The following HIPK2 variants were observed in gnomAD, a reference collection of about 807,000 sequenced individuals.
HIPK2 encodes the protein homeodomain-interacting protein kinase 2.
Under a neutral mutation model 113.7 loss-of-function variants are expected in HIPK2, and 27 were observed. The ratio of observed to expected loss-of-function variants is 0.24; its 90% CI spans 0.17 to 0.33. The LOEUF is 0.33. Among genes scored for constraint, HIPK2 ranks in the 10% least tolerant of loss-of-function variants. HIPK2 has a pLI of 1.00. For synonymous variants in HIPK2, 631 were observed against 642.2 expected (o/e 0.98, Z 0.26); for missense variants, 1,257 against 1,588.0 (o/e 0.79, Z 3.54).
Position 139,568,202 on chromosome 7 carries a change from T to G in HIPK2, c.*4725A>C, listed in dbSNP as rs1432738482. On this transcript the variant is annotated 3_prime_UTR_variant, in exon 15 of 15. Coordinates refer to ENST00000406875, the MANE Select transcript of HIPK2 (RefSeq NM_022740.5). ...TGGTGTCTGGGCGGGCTGAGTCTTCTAGGTTGAAGAGGACAAAGGTCAGCT... is the reference window on the plus strand; with the variant it reads ...TGGTGTCTGGGCGGGCTGAGTCTTCGAGGTTGAAGAGGACAAAGGTCAGCT... 1 of 152,230 alleles carries G rather than the reference T, an allele frequency of 6.6e-6. No homozygotes were observed. Among genetic ancestry groups the G allele is most frequent in the Non-Finnish European group, 1.5e-5 (1 of 68,096 alleles). 9.4% of individuals were successfully genotyped at this position (152,230 alleles called of 1,614,324 possible). A position where few individuals can be genotyped will look rare whatever the true frequency, so the allele number is the denominator to read the frequency against.
chr7:139,632,862 G>C (rs1800665790), intron 2 of HIPK2, among the ~76,000 whole-genome samples: 1 of 152,068 alleles, frequency 6.6e-6, no homozygotes, highest in African/African-American at 2.4e-5. Context: ...TGGACTGCTT[G>C]AACCCAGGAG....
intron 2 of HIPK2, among the ~76,000 whole-genome samples, chr7:139,696,546 A>G (rs1050733445): frequency 2.0e-5 from 3 of 151,356 alleles, no homozygotes; most frequent in Non-Finnish European, 4.4e-5. Flanking sequence ...GTGCACCACT[A>G]TACTTTAGCC....
intron 2 of HIPK2, among the ~76,000 whole-genome samples, chr7:139,705,416 G>A (rs1308761025): frequency 2.6e-5 from 4 of 151,118 alleles, no homozygotes; most frequent in Admixed American, 6.6e-5. Context: ...TCGCTATGTC[G>A]CCCAGGCTGG....
rs906592701 is a variant in HIPK2, at chr7:139,573,220, G to A, written c.3304C>T (p.Leu1102Phe). ...GCCGCCGGCGCAGTGTAGGTGTAGA[G>A]GTGGGGCTGGGTGGGGAGGTGGGCA... ...AAAHLPTQPH[L>F]YTYTAPAALG... The change falls in exon 15 of 15, where the codon CTC becomes TTC. Residue 1102 changes from leucine (L) to phenylalanine (F), a missense_variant. By Grantham distance (22) the Leu-to-Phe change is conservative. Transcript: ENST00000406875. 5 of 1,605,308 alleles carry A rather than the reference G, an allele frequency of 3.1e-6. No individual in the cohort carries two copies. In the African/African-American group the frequency reaches 5.3e-5, roughly 17 times the overall value.
rs548507956 is a variant in HIPK2 at position 139,604,241 on chromosome 7, T to C, written c.2113-18A>G. 3.1e-6 allele frequency: 5 copies of C among 1,594,714 alleles called. No individual in the cohort carries two copies. The highest frequency in any genetic ancestry group is 2.3e-5 in the South Asian group (2 of 88,056). On this transcript the variant is annotated intron_variant, in intron 9 of 14. Coordinates refer to ENST00000406875, the MANE Select transcript of HIPK2 (RefSeq NM_022740.5). ...CAAGCCTGCTGTAGAACACAGGACA[T>C]GTGCAATGACCATGTTTGCTAATCA...
chr7:139,662,565 C>T (rs1199730517), intron 2 of HIPK2, among the ~76,000 whole-genome samples: 1 of 151,904 alleles, frequency 6.6e-6, no homozygotes, highest in Non-Finnish European at 1.5e-5. Flanking sequence ...CAAGCCTGTC[C>T]CTAGCTGTCT....
At chr7:139,590,725 C>T (rs1045505612) in intron 12 of HIPK2, among the ~76,000 whole-genome samples, 5 of 152,134 alleles carry the variant, frequency 3.3e-5, no homozygotes, top group Admixed American at 6.5e-5. Flanking sequence ...CAGTGGCTCA[C>T]GCTGGTAATT....
rs141780688 is a variant in HIPK2 at position 139,707,394 on chromosome 7, T to C, written c.1103+8538A>G. Among the ~76,000 whole-genome samples, 203 of 152,324 alleles carry C rather than the reference T, an allele frequency of 1.3e-3. 1 individual carries two copies. The highest frequency in any genetic ancestry group is 4.3e-3 in the African/African-American group (178 of 41,584). ...CCTCCGTAAGACCCCGCAGGGGAGA[T>C]TGGTGAGCGAGAGAAGGGTGGCCCT... On this transcript the variant is annotated intron_variant, in intron 2 of 14. Transcript: ENST00000406875.
chr7:139,563,556 AG>A lies in HIPK2; in HGVS notation c.*9370del. ...CATACTTACTTTTCAAATGAACAAA[AG>A]GCAATTTCTATGTTTTAAAAATATA... On this transcript the variant is annotated 3_prime_UTR_variant, in exon 15 of 15. Coordinates refer to ENST00000406875, the MANE Select transcript of HIPK2 (RefSeq NM_022740.5). The A allele has an allele frequency of 3.0e-6, 1 of 332,458 alleles. No homozygotes were observed. Among genetic ancestry groups the A allele is most frequent in the Non-Finnish European group, 5.4e-6 (1 of 185,648 alleles). The allele number at this position is 332,458 out of a possible 1,614,324, so 20.6% of individuals were successfully genotyped here.
intron 2 of HIPK2, among the ~76,000 whole-genome samples, chr7:139,696,172 CAACTACGT>C (rs1225854253): frequency 7.2e-5 from 11 of 152,222 alleles, no homozygotes; most frequent in African/African-American, 2.2e-4. Context: ...GTGGGGGATG[CAACTACGT>C]AAATACACAG....
intron 2 of HIPK2, among the ~76,000 whole-genome samples, chr7:139,666,375 C>T (rs1368674548): frequency 1.3e-5 from 2 of 152,200 alleles, no homozygotes; most frequent in African/African-American, 4.8e-5. Flanking sequence ...CACGAAAGCA[C>T]AGAAGACCCA....
chr7:139,728,712 T>C (rs1585429037), intron 1 of HIPK2, among the ~76,000 whole-genome samples: 1 of 152,312 alleles, frequency 6.6e-6, no homozygotes, highest in South Asian at 2.1e-4. Context: ...CCCATAACAA[T>C]AGTTTTAAGG....
chr7:139,615,935 T>C (rs1356447487), intron 7 of HIPK2, among the ~76,000 whole-genome samples: 1 of 147,106 alleles, frequency 6.8e-6, no homozygotes, highest in Non-Finnish European at 1.5e-5. Flanking sequence ...TGTGTACATA[T>C]GTGGGCATCA....
chr7:139,745,218 C>T (rs1796170207), intron 1 of HIPK2, among the ~76,000 whole-genome samples: 1 of 152,222 alleles, frequency 6.6e-6, no homozygotes, highest in Non-Finnish European at 1.5e-5. Context: ...CCAGTTATAG[C>T]TCACATTATT....
chr7:139,688,912 C>G (rs746892864), intron 2 of HIPK2, among the ~76,000 whole-genome samples: 2 of 152,160 alleles, frequency 1.3e-5, no homozygotes, highest in Non-Finnish European at 2.9e-5. Flanking sequence ...CTTCTGGGTA[C>G]ATTCAGGGGC....
At chr7:139,693,634 T>C (rs1423499120) in intron 2 of HIPK2, among the ~76,000 whole-genome samples, 3 of 152,028 alleles carry the variant, frequency 2.0e-5, no homozygotes, top group African/African-American at 7.3e-5. Flanking sequence ...CTTATTAAAA[T>C]GCCAGTGCCA....
At chr7:139,633,515 A>T (rs28449564) in intron 2 of HIPK2, among the ~76,000 whole-genome samples, 24,334 of 152,126 alleles carry the variant, frequency 0.16, 2,479 homozygotes, top group African/African-American at 0.29. Flanking sequence ...ATTTTTCACA[A>T]GTAAAATGGA....
At chr7:139,640,416 T>C (rs2116369310) in intron 2 of HIPK2, among the ~76,000 whole-genome samples, 1 of 152,202 alleles carries the variant, frequency 6.6e-6, no homozygotes, top group East Asian at 1.9e-4. Flanking sequence ...CAAGAGGGCG[T>C]GGCCCGCACT....
chr7:139,585,421 G>A (rs1198654550), intron 12 of HIPK2, among the ~76,000 whole-genome samples: 4 of 152,214 alleles, frequency 2.6e-5, no homozygotes, highest in South Asian at 2.1e-4. Context: ...GCTCCCCAAC[G>A]CCCAGCGCTC....
Sources: allele counts gnomAD v4.1 joint callset (sites outside exome capture counted in the v4.1 genomes callset), GRCh38; gene constraint gnomAD v4.1.1; transcripts MANE v1.5; gene names NCBI Gene and HGNC (gene_info 2026-07-23, HGNC 2026-07-21).